TRUB2: variants seen among roughly 807,000 people sequenced by gnomAD.
TRUB2 encodes TruB pseudouridine synthase family member 2.
A neutral mutation model predicts 31.9 loss-of-function variants in TRUB2; 31 were observed. That is an observed-to-expected ratio of 0.97 (90% CI 0.73 to 1.31). TRUB2 has a LOEUF of 1.31. Ranked by LOEUF, TRUB2 falls within the 50% of genes most tolerant of loss-of-function variation. The pLI is 0.00. For missense variants in TRUB2, 451 were observed against 439.6 expected (o/e 1.03, Z -0.23); for synonymous variants, 201 against 182.6 (o/e 1.10, Z -0.81).
At position 128,311,037 on chromosome 9, in the gene TRUB2, AG is replaced by A. The variant is rs1811061155; in HGVS notation, c.534-15del. The A allele has an allele frequency of 1.2e-6, 2 of 1,605,580 alleles. No homozygotes were observed. The highest frequency in any genetic ancestry group is 1.7e-6 in the Non-Finnish European group (2 of 1,177,824). On this transcript the variant is annotated splice_polypyrimidine_tract_variant and intron_variant, in intron 6 of 7. Transcript: ENST00000372890. ...AGGTTGGAGTACCTGCAGATCAGGA[AG>A]GGGGCTGCAGCTGGGTGGCCCACCT...
In TRUB2 at chr9:128,322,420, A is replaced by G. The variant is rs1355785250; in HGVS notation, c.-12T>C. On this transcript the variant is annotated 5_prime_UTR_variant, in exon 1 of 8. Coordinates refer to ENST00000372890, the MANE Select transcript of TRUB2 (RefSeq NM_015679.3). ...CCAGCAGACCCCATACTTGAAGATC[A>G]CAGCACCCGCTGGACCTGGACGGAA... 6.2e-7 allele frequency: 1 copy of G among 1,613,208 alleles called. No individual in the cohort carries two copies.
rs904669723 is a variant in TRUB2 at position 128,310,756 on chromosome 9, C to CG, written c.670+130dup. ...GAAGTCGGCACCTGATGCCTTGGCC[C>CG]GCAGAGATCAGGGCCGGCGTGTGCT... On this transcript the variant is annotated intron_variant, in intron 7 of 7. Transcript: ENST00000372890. 1.1e-5 allele frequency: 15 copies of CG among 1,316,000 alleles called. No homozygotes were observed. In the African/African-American group the frequency reaches 2.0e-4, roughly 18 times the overall value. The allele number at this position is 1,316,000 out of a possible 1,614,324, so 81.5% of individuals were successfully genotyped here. A position where few individuals can be genotyped will look rare whatever the true frequency, so the allele number is the denominator to read the frequency against.
rs1463727191 is a variant in TRUB2 at position 128,306,661 on chromosome 9, C to T, written c.*2889G>A. On this transcript the variant is annotated 3_prime_UTR_variant, in exon 8 of 8. Coordinates refer to ENST00000372890, the MANE Select transcript of TRUB2 (RefSeq NM_015679.3). ...CCATGTTGGTCAGGCTGGTCTTGAA[C>T]TCCTGACCTCGTGATCCGCCCACCC... The T allele has an allele frequency of 6.6e-6, 1 of 151,752 alleles. No individual in the cohort carries two copies. Among genetic ancestry groups the T allele is most frequent in the Non-Finnish European group, 1.5e-5 (1 of 67,974 alleles). The allele number at this position is 151,752 out of a possible 1,614,324, so 9.4% of individuals were successfully genotyped here.
At chr9:128,321,946 G>A (rs1292032276) in intron 1 of TRUB2, among the ~76,000 whole-genome samples, 1 of 152,168 alleles carries the variant, frequency 6.6e-6, no homozygotes, top group East Asian at 1.9e-4. Flanking sequence ...TGCTGACCAG[G>A]AATATCTTGT....
At chr9:128,319,378 C>T (rs1208224171) in intron 2 of TRUB2, among the ~76,000 whole-genome samples, 12 of 151,376 alleles carry the variant, frequency 7.9e-5, no homozygotes, top group Admixed American at 5.9e-4. Context: ...GTAGTCCCAG[C>T]TACTCGGGAG....
chr9:128,320,433 A>C (rs1299289144), intron 2 of TRUB2, among the ~76,000 whole-genome samples: 1 of 151,564 alleles, frequency 6.6e-6, no homozygotes, highest in Admixed American at 6.6e-5. Flanking sequence ...CCCGGGTTCA[A>C]GCAATTCTCC....
At chr9:128,317,047 T>C (rs1832080770) in intron 3 of TRUB2, 105 bp downstream of exon 3, 5 of 952,298 alleles carry the variant, frequency 5.3e-6, no homozygotes, top group South Asian at 3.1e-5. Context: ...AGGAGAGGAG[T>C]GGTGGGACGT....
In TRUB2 at chr9:128,309,272, C is replaced by T. The variant is rs1355610007; in HGVS notation, c.*278G>A. ...AAACTCCTGGGCTCAAGCAATTCTC[C>T]TGCCTCAGCCTTGGGAGTAGCTGGG... On this transcript the variant is annotated 3_prime_UTR_variant, in exon 8 of 8. Transcript: ENST00000372890. 2.5e-5 allele frequency: 11 copies of T among 441,412 alleles called. No individual in the cohort carries two copies. The Admixed American group carries it at 3.3e-4, about 13-fold the overall frequency. The allele number at this position is 441,412 out of a possible 1,614,324, so 27.3% of individuals were successfully genotyped here.
At chr9:128,320,713 C>T (rs1832151562) in intron 2 of TRUB2, among the ~76,000 whole-genome samples, 2 of 152,220 alleles carry the variant, frequency 1.3e-5, no homozygotes, top group African/African-American at 4.8e-5. Flanking sequence ...AATCCACCGC[C>T]TCAGCTTCCC....
At chr9:128,319,325 CAAA>C (rs1341161451) in intron 2 of TRUB2, among the ~76,000 whole-genome samples, 2 of 89,386 alleles carry the variant, frequency 2.2e-5, no homozygotes. Flanking sequence ...GACTCCGTCT[CAAA>C]AAAAAAAAAA....
intron 3 of TRUB2, 142 bp downstream of exon 3, chr9:128,317,010 G>C (rs1832080080): frequency 1.4e-6 from 1 of 694,554 alleles, no homozygotes. Context: ...CTCCCCAGCT[G>C]ATCAGCCTTG....
At chr9:128,311,388 G>A in intron 6 of TRUB2, 141 bp downstream of exon 6, 4 of 877,690 alleles carry the variant, frequency 4.6e-6, no homozygotes, top group Non-Finnish European at 7.2e-6. Flanking sequence ...ATTTCTTAAT[G>A]CCAAGAAAGA....
At chr9:128,319,294 C>G (rs1414150636) in intron 2 of TRUB2, among the ~76,000 whole-genome samples, 1 of 150,682 alleles carries the variant, frequency 6.6e-6, no homozygotes. Context: ...CCACTGCACT[C>G]CAGCCTGGGC....
chr9:128,322,380 T>A lies in TRUB2; in HGVS notation c.29A>T (p.His10Leu), dbSNP rs371765061. The A allele has an allele frequency of 7.4e-6, 12 of 1,614,010 alleles. No homozygotes were observed. Among genetic ancestry groups the A allele is most frequent in the Non-Finnish European group, 8.5e-7 (1 of 1,180,044 alleles). Reference protein sequence around the residue: MGSAGLSRLHGLFAVYKPPG... With the variant: MGSAGLSRLLGLFAVYKPPG... ...GGGCTTATAGACCGCGAAAAGCCCA[T>A]GCAGCCGCGACAAGCCAGCAGACCC... The change falls in exon 1 of 8, where the codon CAT becomes CTT. Residue 10 changes from histidine (H) to leucine (L), a missense_variant. By Grantham distance (99) the His-to-Leu change is moderately conservative. Transcript: ENST00000372890.
chr9:128,317,197 C>G lies in TRUB2; in HGVS notation c.271G>C (p.Val91Leu). 6.3e-7 allele frequency: 1 copy of G among 1,595,654 alleles called. No individual in the cohort carries two copies. Among genetic ancestry groups the G allele is most frequent in the African/African-American group, 1.3e-5 (1 of 74,736 alleles). ...VCGPAFAHLK[V>L]GVGHRLDAQA... ...GCATCCAACCGATGTCCCACGCCAA[C>G]CTTGAGATGGGCGAATGCTGGTCCA... The change falls in exon 3 of 8, where the codon GTT becomes CTT. Residue 91 changes from valine to leucine, a missense_variant. By Grantham distance (32) the Val-to-Leu change is conservative. Coordinates refer to ENST00000372890, the MANE Select transcript of TRUB2 (RefSeq NM_015679.3).
In TRUB2 at chr9:128,322,431, T is replaced by C. The variant is rs1430267150; in HGVS notation, c.-23A>G. 9.9e-6 allele frequency: 16 copies of C among 1,612,578 alleles called. No homozygotes were observed. The highest frequency in any genetic ancestry group is 2.2e-5 in the East Asian group (1 of 44,882). On this transcript the variant is annotated 5_prime_UTR_variant, in exon 1 of 8. Transcript: ENST00000372890. Reference sequence around the variant, plus strand: ...CATACTTGAAGATCACAGCACCCGCTGGACCTGGACGGAAGTACCGCCAGG... The same window carrying C: ...CATACTTGAAGATCACAGCACCCGCCGGACCTGGACGGAAGTACCGCCAGG...
At chr9:128,310,083 C>G (rs1156867427) in intron 7 of TRUB2, among the ~76,000 whole-genome samples, 2 of 152,062 alleles carry the variant, frequency 1.3e-5, no homozygotes, top group Admixed American at 6.5e-5. Flanking sequence ...CCCACCGGGA[C>G]CTGCCAAGTC....
chr9:128,306,619 A>G lies in TRUB2; in HGVS notation c.*2931T>C, dbSNP rs1488517406. On this transcript the variant is annotated 3_prime_UTR_variant, in exon 8 of 8. Coordinates refer to ENST00000372890, the MANE Select transcript of TRUB2 (RefSeq NM_015679.3). Reference sequence around the variant, plus strand: ...CACGCCCGGCTAATTTTGTATTTTTAGTAGAGACAGGTTTCACCATGTTGG... The same window carrying G: ...CACGCCCGGCTAATTTTGTATTTTTGGTAGAGACAGGTTTCACCATGTTGG... 1 of 151,700 alleles carries G rather than the reference A, an allele frequency of 6.6e-6. No individual in the cohort carries two copies. Among genetic ancestry groups the G allele is most frequent in the Non-Finnish European group, 1.5e-5 (1 of 67,944 alleles). The allele number at this position is 151,700 out of a possible 1,614,324, so 9.4% of individuals were successfully genotyped here. A position where few individuals can be genotyped will look rare whatever the true frequency, so the allele number is the denominator to read the frequency against.
Position 128,308,231 on chromosome 9 carries a change from GA to G in TRUB2, c.*1318del, listed in dbSNP as rs547246841. On this transcript the variant is annotated 3_prime_UTR_variant, in exon 8 of 8. Transcript: ENST00000372890. ...GATGACGGAGTGAGACTCCGTCTCA[GA>G]AAAAAAAAAAACCAAAACAGGCCGG... The G allele has an allele frequency of 2.4e-4, 30 of 126,646 alleles. No homozygotes were observed. The highest frequency in any genetic ancestry group is 1.7e-3 in the East Asian group (7 of 4,116). 7.8% of individuals were successfully genotyped at this position (126,646 alleles called of 1,614,324 possible). A position where few individuals can be genotyped will look rare whatever the true frequency, so the allele number is the denominator to read the frequency against.
Sources: gnomAD v4.1 joint callset for allele counts (sites outside exome capture counted in the v4.1 genomes callset) on GRCh38, gnomAD v4.1.1 for gene constraint, MANE v1.5 for transcripts, NCBI Gene and HGNC (gene_info 2026-07-23, HGNC 2026-07-21) for gene names.